ESR1: variants seen among roughly 807,000 people sequenced by gnomAD.
The protein encoded by ESR1 is estrogen receptor.
A neutral mutation model predicts 52.7 loss-of-function variants in ESR1; 12 were observed. The ratio of observed to expected loss-of-function variants is 0.23; its 90% CI spans 0.15 to 0.37. The LOEUF is 0.37. Among genes scored for constraint, ESR1 ranks in the 10% least tolerant of loss-of-function variants. ESR1 has a pLI of 1.00. For missense variants in ESR1, 584 were observed against 779.7 expected, an observed-to-expected ratio of 0.75 and a Z score of 2.99; for synonymous variants, 305 against 316.8, an observed-to-expected ratio of 0.96 and a Z score of 0.39.
chr6:151,749,021 C>T (rs1465486574), intron 2 of ESR1, among the ~76,000 whole-genome samples: 1 of 151,658 alleles, frequency 6.6e-6, no homozygotes, highest in African/African-American at 2.4e-5. Flanking sequence ...ACATTGCTTA[C>T]AAGTAATATA....
intron 2 of ESR1, among the ~76,000 whole-genome samples, chr6:151,742,929 A>T (rs1783202987): frequency 6.6e-6 from 1 of 152,212 alleles, no homozygotes; most frequent in African/African-American, 2.4e-5. Flanking sequence ...CAAGATGGAG[A>T]TAAGACGAAA....
intron 6 of ESR1, among the ~76,000 whole-genome samples, chr6:152,062,584 A>G (rs528744803): frequency 1.3e-5 from 2 of 152,288 alleles, no homozygotes; most frequent in South Asian, 4.1e-4. Flanking sequence ...TGTCCTGTAC[A>G]TTGTAGGGTC....
intron 4 of ESR1, among the ~76,000 whole-genome samples, chr6:151,961,110 T>A (rs1402684206): frequency 1.3e-5 from 2 of 151,786 alleles, no homozygotes; most frequent in South Asian, 4.2e-4. Flanking sequence ...AAATCTGGAG[T>A]TTAGGAGAGA....
In ESR1 at chr6:152,100,926, TA is replaced by T. The variant is rs1375746900; in HGVS notation, c.*1961del. ...GAAGCACCTTATATAGTATAATATA[TA>T]TTTTTTTGAAATTACATTGCTTGTT... is the stretch of plus-strand genomic sequence containing the variant. On this transcript the variant is annotated 3_prime_UTR_variant, in exon 8 of 8. Coordinates refer to ENST00000206249, the MANE Select transcript of ESR1 (RefSeq NM_000125.4). 2 of 230,544 alleles carry T rather than the reference TA, an allele frequency of 8.7e-6. No individual in the cohort carries two copies. The highest frequency in any genetic ancestry group is 1.7e-5 in the Non-Finnish European group (2 of 116,298). 14.3% of individuals were successfully genotyped at this position (230,544 alleles called of 1,614,324 possible).
In ESR1 at chr6:151,690,745, A is replaced by G. The variant is rs149295849; in HGVS notation, c.-202+81A>G. 3.9e-5 allele frequency: 6 copies of G among 152,314 alleles called. 1 individual carries two copies. Among genetic ancestry groups the G allele is most frequent in the African/African-American group, 1.4e-4 (6 of 41,580 alleles). The allele number at this position is 152,314 out of a possible 1,614,324, so 9.4% of individuals were successfully genotyped here. A position where few individuals can be genotyped will look rare whatever the true frequency, so the allele number is the denominator to read the frequency against. On this transcript the variant is annotated intron_variant, in intron 1 of 2. Coordinates refer to the ESR1 transcript ENST00000404742. The stretch of plus-strand genomic sequence containing the variant: ...CTGTTTACAAGCATATTGTAACTTC[A>G]GAGCTTACCTCTCATCTTTAAAAAA...
At chr6:152,120,053 T>A (rs539612224) in intron 6 of ESR1, among the ~76,000 whole-genome samples, 1 of 152,268 alleles carries the variant, frequency 6.6e-6, no homozygotes, top group Non-Finnish European at 1.5e-5. Context: ...TTTTTCTTAA[T>A]TGAAACCAAA....
chr6:151,863,697 T>G (rs1302097610), intron 2 of ESR1, among the ~76,000 whole-genome samples: 1 of 152,122 alleles, frequency 6.6e-6, no homozygotes, highest in Non-Finnish European at 1.5e-5. Context: ...AGGATGGTAC[T>G]GGTACCAAAA....
chr6:151,994,397 C>T (rs527900079), intron 4 of ESR1, among the ~76,000 whole-genome samples: 21 of 152,304 alleles, frequency 1.4e-4, no homozygotes, highest in African/African-American at 5.1e-4. Context: ...ACTAAATTTG[C>T]AGTAAACTGT....
chr6:152,112,535 AATCAAAAGG>A (rs916593296), intron 6 of ESR1, among the ~76,000 whole-genome samples: 2 of 152,180 alleles, frequency 1.3e-5, no homozygotes, highest in African/African-American at 4.8e-5. Flanking sequence ...CCATCAAGCC[AATCAAAAGG>A]ATTGAAAACC....
chr6:151,751,371 T>C (rs959933052), intron 2 of ESR1, among the ~76,000 whole-genome samples: 4 of 152,254 alleles, frequency 2.6e-5, no homozygotes, highest in Admixed American at 2.0e-4. Flanking sequence ...TTACTACTTC[T>C]GGTTTTTTCT....
intron 6 of ESR1, among the ~76,000 whole-genome samples, chr6:152,078,595 A>T: frequency 6.6e-6 from 1 of 152,156 alleles, no homozygotes; most frequent in East Asian, 1.9e-4. Flanking sequence ...CAACTGAGGC[A>T]CCTGGTTCAT....
At chr6:151,934,919 T>C (rs1452992697) in intron 3 of ESR1, among the ~76,000 whole-genome samples, 1 of 152,190 alleles carries the variant, frequency 6.6e-6, no homozygotes, top group Non-Finnish European at 1.5e-5. Context: ...TAGAGCCCCA[T>C]ATGTAAACAC....
intron 5 of ESR1, among the ~76,000 whole-genome samples, chr6:152,044,170 T>C (rs531135146): frequency 1.3e-5 from 2 of 152,330 alleles, no homozygotes; most frequent in Admixed American, 6.5e-5. Flanking sequence ...TTGCCTCTCA[T>C]GAGCAGTGAA....
At chr6:151,768,089 G>A (rs1341973185) in intron 2 of ESR1, among the ~76,000 whole-genome samples, 2 of 152,156 alleles carry the variant, frequency 1.3e-5, no homozygotes, top group East Asian at 3.8e-4. Flanking sequence ...GGGAAAACAG[G>A]ACCAGAAACA....
intron 4 of ESR1, among the ~76,000 whole-genome samples, chr6:151,986,098 G>A (rs945997927): frequency 3.3e-5 from 5 of 152,030 alleles, no homozygotes; most frequent in Admixed American, 1.3e-4. Context: ...CTGGGTGAGC[G>A]GCTCAGTGCT....
At chr6:151,861,602 T>C (rs543936682) in intron 2 of ESR1, among the ~76,000 whole-genome samples, 2 of 152,276 alleles carry the variant, frequency 1.3e-5, no homozygotes, top group South Asian at 4.1e-4. Context: ...CCACGTTCAC[T>C]GCAAAGCCCA....
chr6:151,750,560 T>C (rs559662066), intron 2 of ESR1, among the ~76,000 whole-genome samples: 1 of 152,254 alleles, frequency 6.6e-6, no homozygotes, highest in Admixed American at 6.5e-5. Context: ...TAATGAAAAA[T>C]TATAAATGAC....
chr6:151,713,194 G>A (rs1244797208), intron 2 of ESR1, among the ~76,000 whole-genome samples: 1 of 152,178 alleles, frequency 6.6e-6, no homozygotes, highest in Non-Finnish European at 1.5e-5. Context: ...AAGCTGACTT[G>A]ATTGTGGTGG....
chr6:152,065,408 A>G (rs2047888787), intron 6 of ESR1, among the ~76,000 whole-genome samples: 1 of 152,060 alleles, frequency 6.6e-6, no homozygotes, highest in Non-Finnish European at 1.5e-5. Flanking sequence ...CTATCAGAAA[A>G]CCACCCTTTC....
Sources: allele counts gnomAD v4.1 joint callset (sites outside exome capture counted in the v4.1 genomes callset), GRCh38; gene constraint gnomAD v4.1.1; transcripts MANE v1.5; gene names NCBI Gene and HGNC (gene_info 2026-07-23, HGNC 2026-07-21).